The following KAT8 variants were observed in gnomAD, a reference collection of about 807,000 sequenced individuals.
KAT8 encodes the protein lysine acetyltransferase 8.
A neutral mutation model predicts 62.9 loss-of-function variants in KAT8; 40 were observed. The observed-to-expected ratio is 0.64, with a 90% CI of 0.49 to 0.83. The LOEUF (loss-of-function observed/expected upper bound fraction) is 0.83, where lower values mean the gene tolerates loss of function less well. Among genes scored for constraint, KAT8 ranks in the 40% least tolerant of loss-of-function variants. The probability of loss-of-function intolerance (pLI) is 0.00; values close to 1 mark genes in which losing one functional copy is unlikely to be tolerated. For synonymous variants in KAT8, 278 were observed against 254.5 expected, an observed-to-expected ratio of 1.09 and a Z score of -0.88; for missense variants, 387 against 614.8, an observed-to-expected ratio of 0.63 and a Z score of 3.92.
At chr16:31,125,363 G>A (rs1434337602) in intron 3 of KAT8, among the ~76,000 whole-genome samples, 5 of 152,034 alleles carry the variant, frequency 3.3e-5, no homozygotes, top group African/African-American at 9.7e-5. Context: ...CAGCACTTTG[G>A]GAGTGCGAGG....
intron 3 of KAT8, among the ~76,000 whole-genome samples, chr16:31,125,384 A>T (rs567680132): frequency 6.6e-6 from 1 of 151,910 alleles, no homozygotes; most frequent in African/African-American, 2.4e-5. Flanking sequence ...CTGGTTGATC[A>T]CCTGAGGTCA....
intron 3 of KAT8, among the ~76,000 whole-genome samples, chr16:31,121,837 A>C (rs1238311435): frequency 6.6e-6 from 1 of 151,722 alleles, no homozygotes; most frequent in Admixed American, 6.6e-5. Context: ...CTTCAGCCTC[A>C]ACCTCCTGGG....
chr16:31,120,262 T>C lies in KAT8; in HGVS notation c.286+2T>C. The C allele has an allele frequency of 6.2e-7, 1 of 1,614,192 alleles. No homozygotes were observed. Among genetic ancestry groups the C allele is most frequent in the Non-Finnish European group, 8.5e-7 (1 of 1,180,022 alleles). The stretch of plus-strand genomic sequence containing the variant: ...AATTCTATGTACACTACGTGGGCTG[T>C]GAGTGGCTTGGCACATCTGGGCGTG... On this transcript the variant is annotated splice_donor_variant, in intron 2 of 10. Transcript: ENST00000219797. LOFTEE classifies it high-confidence loss of function.
chr16:31,126,750 G>T, intron 3 of KAT8: 1 of 426,260 alleles, frequency 2.3e-6, no homozygotes, highest in Non-Finnish European at 4.3e-6. Flanking sequence ...CCCCCATCGT[G>T]CAGCTGAAGC....
intron 3 of KAT8, chr16:31,125,710 CT>C (rs2057527587): frequency 6.6e-6 from 1 of 151,424 alleles, no homozygotes; most frequent in South Asian, 2.1e-4. Context: ...GGAGGGGGTT[CT>C]GGGTAAAGCA....
In KAT8 at chr16:31,120,403, T is replaced by C. The variant is rs760763125; in HGVS notation, c.351T>C (p.Asp117=). 1.6e-5 allele frequency: 26 copies of C among 1,613,928 alleles called. No homozygotes were observed. Among genetic ancestry groups the C allele is most frequent in the Non-Finnish European group, 2.2e-5 (26 of 1,180,020 alleles). Residue 117 remains aspartate (D), a synonymous_variant, in exon 3 of 11, where the codon GAT becomes GAC. Transcript: ENST00000219797. ...NRLALTKTVK[D]AVQKNSEKYL... ...TGGCGCTGACCAAGACAGTGAAGGA[T>C]GCTGTACAGAAGAACTCAGAGAAGT...
rs750684713 is a variant in KAT8 at position 31,117,821 on chromosome 16, C to A, written c.140C>A (p.Ala47Glu). 17 of 1,435,378 alleles carry A rather than the reference C, an allele frequency of 1.2e-5. No individual in the cohort carries two copies. The South Asian group carries it at 2.1e-4, about 18-fold the overall frequency. The allele number at this position is 1,435,378 out of a possible 1,614,324, so 88.9% of individuals were successfully genotyped here. A position where few individuals can be genotyped will look rare whatever the true frequency, so the allele number is the denominator to read the frequency against. The part of the protein sequence containing the change: ...SPGRVSPPTP[A>E]RGEPEVTVEI... The stretch of plus-strand genomic sequence containing the variant: ...GGCCGCGTCTCTCCGCCGACCCCGG[C>A]GCGCGGCGAGCCGGAAGTCACGGTG... The change falls in exon 1 of 11, where the codon GCG becomes GAG. Residue 47 changes from alanine to glutamate, a missense_variant. Transcript: ENST00000219797.
chr16:31,126,896 G>C (rs148478062), intron 3 of KAT8, 139 bp from the exon 4 acceptor site: 2 of 861,738 alleles, frequency 2.3e-6, no homozygotes, highest in African/African-American at 3.3e-5. Context: ...AGTCAGATAG[G>C]TTAGCTATTG....
chr16:31,126,520 CGCAGGTTT>C (rs2057532304), intron 3 of KAT8: 1 of 162,664 alleles, frequency 6.1e-6, no homozygotes, highest in South Asian at 1.5e-4. Flanking sequence ...CAGGAGGAGG[CGCAGGTTT>C]GCAGGGAGGA....
intron 4 of KAT8, 42 bp downstream of exon 4, chr16:31,127,130 C>G: frequency 6.2e-7 from 1 of 1,613,990 alleles, no homozygotes; most frequent in Non-Finnish European, 8.5e-7. Context: ...CCCCGTCTCC[C>G]CTTGCCGAGG....
intron 8 of KAT8, 45 bp from the exon 9 acceptor site, chr16:31,130,411 G>C (rs1471867716): frequency 1.2e-6 from 2 of 1,613,994 alleles, no homozygotes; most frequent in African/African-American, 2.7e-5. Flanking sequence ...GGGCAGGGGT[G>C]CCAGGGCAGG....
intron 5 of KAT8, among the ~76,000 whole-genome samples, chr16:31,127,696 AG>A (rs1001362679): frequency 2.0e-5 from 3 of 152,216 alleles, no homozygotes; most frequent in Admixed American, 6.5e-5. Flanking sequence ...GGGGGCTGTC[AG>A]GAAGGGGCGC....
chr16:31,125,869 G>A (rs1369577575), intron 3 of KAT8: 1 of 152,240 alleles, frequency 6.6e-6, no homozygotes, highest in East Asian at 1.9e-4. Flanking sequence ...TGTTGTGAGT[G>A]TGGTGTGACT....
chr16:31,129,088 C>T (rs1200192282), intron 6 of KAT8, among the ~76,000 whole-genome samples: 2 of 152,300 alleles, frequency 1.3e-5, no homozygotes, highest in East Asian at 1.9e-4. Context: ...GTCCATAAGA[C>T]GGGAGTCATA....
At chr16:31,127,580 G>A (rs570871889) in intron 5 of KAT8, among the ~76,000 whole-genome samples, 1 of 152,356 alleles carries the variant, frequency 6.6e-6, no homozygotes, top group African/African-American at 2.4e-5. Flanking sequence ...CTCTTCTCTG[G>A]AATGGGGACA....
At chr16:31,127,124 G>T in intron 4 of KAT8, 36 bp downstream of exon 4, 1 of 1,613,866 alleles carries the variant, frequency 6.2e-7, no homozygotes, top group Non-Finnish European at 8.5e-7. Context: ...CAGGTCCCCC[G>T]TCTCCCCTTG....
intron 10 of KAT8, 119 bp from the exon 11 acceptor site, chr16:31,131,076 G>C: frequency 6.6e-7 from 1 of 1,519,114 alleles, no homozygotes; most frequent in Non-Finnish European, 8.8e-7. Context: ...CCCCAGCACA[G>C]CCTGCCCTTT....
intron 3 of KAT8, among the ~76,000 whole-genome samples, chr16:31,125,426 A>G (rs553548660): frequency 6.6e-6 from 1 of 152,220 alleles, no homozygotes; most frequent in East Asian, 1.9e-4. Flanking sequence ...CAACATGGCG[A>G]AACTCCATTG....
intron 3 of KAT8, chr16:31,124,065 G>C (rs1461882132): frequency 6.6e-6 from 1 of 152,248 alleles, no homozygotes; most frequent in African/African-American, 2.4e-5. Context: ...ATTAAGAAAA[G>C]TAGTGTTTTT....
Sources: gnomAD v4.1 joint callset for allele counts (sites outside exome capture counted in the v4.1 genomes callset) on GRCh38, gnomAD v4.1.1 for gene constraint, MANE v1.5 for transcripts, NCBI Gene and HGNC (gene_info 2026-07-23, HGNC 2026-07-21) for gene names.